The following EML1 variants were observed in gnomAD, a reference collection of about 807,000 sequenced individuals.
EML1 encodes the protein echinoderm microtubule-associated protein-like 1.
In EML1, 27 loss-of-function variants were observed where a neutral mutation model predicts 110.4. That is an observed-to-expected ratio of 0.24 (90% CI 0.18 to 0.34). EML1 has a LOEUF of 0.34. Ranked by LOEUF, EML1 falls within the 10% of genes least tolerant of loss-of-function variation. The pLI, the probability that EML1 is intolerant of heterozygous loss-of-function variation, is 1.00. For missense variants in EML1, 741 were observed against 1,030.9 expected, an observed-to-expected ratio of 0.72 and a Z score of 3.85; for synonymous variants, 344 against 385.8, an observed-to-expected ratio of 0.89 and a Z score of 1.27.
intron 4 of EML1, among the ~76,000 whole-genome samples, chr14:99,890,363 T>A (rs1026746813): frequency 1.3e-5 from 2 of 152,104 alleles, no homozygotes. Context: ...GCTCCCTTGG[T>A]CTCCCTGTCC....
intron 5 of EML1, 103 bp from the exon 6 acceptor site, chr14:99,894,526 A>T: frequency 7.6e-7 from 1 of 1,317,658 alleles, no homozygotes; most frequent in South Asian, 2.3e-5. Context: ...ACAGAAGGGT[A>T]AAAGTTTCTC....
intron 1 of EML1, among the ~76,000 whole-genome samples, chr14:99,785,452 T>C (rs1217498759): frequency 2.0e-5 from 3 of 152,202 alleles, no homozygotes; most frequent in African/African-American, 7.2e-5. Flanking sequence ...AGGCAAGAGA[T>C]GGCAAGAGAC....
chr14:99,843,123 G>A (rs2058657593), intron 1 of EML1, among the ~76,000 whole-genome samples: 1 of 152,116 alleles, frequency 6.6e-6, no homozygotes, highest in Non-Finnish European at 1.5e-5. Flanking sequence ...ATGTGGTGGT[G>A]TGCATCTGTA....
chr14:99,846,470 A>G (rs1046393919), intron 1 of EML1, among the ~76,000 whole-genome samples: 3 of 151,804 alleles, frequency 2.0e-5, no homozygotes, highest in East Asian at 3.9e-4. Context: ...TTTAGTAGAG[A>G]TGGGGTTTTG....
At chr14:99,904,581 T>C (rs1242604077) in intron 9 of EML1, among the ~76,000 whole-genome samples, 1 of 152,204 alleles carries the variant, frequency 6.6e-6, no homozygotes, top group East Asian at 1.9e-4. Context: ...ATCAAAGCTC[T>C]TTCATATATA....
rs183283121 is a variant in EML1, at chr14:99,822,780, G to C, written c.68-28073G>C. Among the ~76,000 whole-genome samples, 428 of 152,286 alleles carry C rather than the reference G, an allele frequency of 2.8e-3. 2 individuals are homozygous for C. Among genetic ancestry groups the C allele is most frequent in the African/African-American group, 9.7e-3 (402 of 41,558 alleles). ...AACTTGCCTGCAGGGGGTGGCAGTA[G>C]AGGAAGCCCACTTGGAGGGGCTTTG... On this transcript the variant is annotated intron_variant, in intron 1 of 21. Transcript: ENST00000262233.
At chr14:99,833,348 A>G (rs768398620) in intron 1 of EML1, among the ~76,000 whole-genome samples, 1 of 151,992 alleles carries the variant, frequency 6.6e-6, no homozygotes, top group Non-Finnish European at 1.5e-5. Flanking sequence ...TTAACTCTCT[A>G]TTCTATTCTG....
intron 3 of EML1, among the ~76,000 whole-genome samples, chr14:99,869,178 C>T (rs2059153549): frequency 6.6e-6 from 1 of 151,968 alleles, no homozygotes; most frequent in Non-Finnish European, 1.5e-5. Flanking sequence ...ATTTTTTTTA[C>T]AAATTGGTGG....
At chr14:99,760,642 G>T (rs1208912964) in intron 1 of EML1, among the ~76,000 whole-genome samples, 1 of 152,192 alleles carries the variant, frequency 6.6e-6, no homozygotes, top group Non-Finnish European at 1.5e-5. Context: ...AGCATGCAAA[G>T]TGCTGATTTT....
intron 1 of EML1, among the ~76,000 whole-genome samples, chr14:99,782,489 G>A (rs1339958480): frequency 6.6e-6 from 1 of 152,136 alleles, no homozygotes; most frequent in Non-Finnish European, 1.5e-5. Flanking sequence ...TCCCCATTGT[G>A]TCTCCTGTTC....
intron 13 of EML1, among the ~76,000 whole-genome samples, chr14:99,913,243 G>A (rs1423198420): frequency 6.6e-6 from 1 of 151,954 alleles, no homozygotes; most frequent in East Asian, 1.9e-4. Flanking sequence ...GTGCAGTGGC[G>A]TGATCTTCAG....
chr14:99,919,396 A>G (rs1186434370), intron 16 of EML1, among the ~76,000 whole-genome samples: 1 of 150,162 alleles, frequency 6.7e-6, no homozygotes, highest in South Asian at 2.1e-4. Flanking sequence ...ACGTTTGTAT[A>G]GCCACACACA....
intron 1 of EML1, among the ~76,000 whole-genome samples, chr14:99,749,790 G>A (rs1192431457): frequency 5.9e-5 from 9 of 152,242 alleles, no homozygotes; most frequent in South Asian, 4.1e-4. Context: ...GAGTGACCCC[G>A]ACATGTCTAC....
intron 1 of EML1, among the ~76,000 whole-genome samples, chr14:99,828,596 G>A (rs911120278): frequency 5.3e-5 from 8 of 152,012 alleles, no homozygotes; most frequent in African/African-American, 1.9e-4. Context: ...GGTCACCATA[G>A]GTATATATAT....
chr14:99,847,088 A>G (rs1363440825), intron 1 of EML1, among the ~76,000 whole-genome samples: 2 of 152,070 alleles, frequency 1.3e-5, no homozygotes, highest in East Asian at 1.9e-4. Flanking sequence ...ATTTCTCCTG[A>G]TATCTTCTTT....
At chr14:99,885,177 A>G (rs572748943) in intron 4 of EML1, among the ~76,000 whole-genome samples, 1 of 152,360 alleles carries the variant, frequency 6.6e-6, no homozygotes, top group East Asian at 1.9e-4. Context: ...AGGATATTGT[A>G]TACGATCAGG....
At chr14:99,829,689 A>G (rs1203263115) in intron 1 of EML1, among the ~76,000 whole-genome samples, 4 of 151,980 alleles carry the variant, frequency 2.6e-5, no homozygotes, top group Non-Finnish European at 4.4e-5. Flanking sequence ...GAATTTGCCT[A>G]CTCTGTGTAT....
chr14:99,803,354 T>G (rs2057916666), intron 1 of EML1, among the ~76,000 whole-genome samples: 2 of 152,356 alleles, frequency 1.3e-5, no homozygotes, highest in South Asian at 4.1e-4. Context: ...ATACCACATG[T>G]GCATATAACT....
chr14:99,860,187 T>A (rs2058979164), intron 2 of EML1, among the ~76,000 whole-genome samples: 1 of 152,188 alleles, frequency 6.6e-6, no homozygotes, highest in Non-Finnish European at 1.5e-5. Flanking sequence ...AAACACAGCG[T>A]TTCTCAGGCT....
Sources: gnomAD v4.1 joint callset for allele counts (sites outside exome capture counted in the v4.1 genomes callset) on GRCh38, gnomAD v4.1.1 for gene constraint, MANE v1.5 for transcripts, NCBI Gene and HGNC (gene_info 2026-07-23, HGNC 2026-07-21) for gene names.